Variants in DIP2A observed in about 807,000 individuals in gnomAD.
DIP2A encodes DIP2 acetate--CoA ligase A, also known as disco-interacting protein 2 homolog A.
DIP2A carries 85 observed loss-of-function variants against 177.4 expected under a neutral mutation model. The observed-to-expected ratio is 0.48, with a 90% CI of 0.40 to 0.57. The LOEUF is 0.57. Among genes scored for constraint, DIP2A ranks in the 20% least tolerant of loss-of-function variants. DIP2A has a pLI of 0.00. For synonymous variants in DIP2A, 886 were observed against 881.8 expected (o/e 1.00, Z -0.08); for missense variants, 1,791 against 2,100.2 (o/e 0.85, Z 2.88).
intron 3 of DIP2A, among the ~76,000 whole-genome samples, chr21:46,491,893 A>G (rs2057037263): frequency 6.6e-6 from 1 of 152,200 alleles, no homozygotes; most frequent in African/African-American, 2.4e-5. Flanking sequence ...TTTATCATAA[A>G]TATGATTTGC....
At chr21:46,484,972 G>A in intron 2 of DIP2A, 144 bp downstream of exon 2, 1 of 710,766 alleles carries the variant, frequency 1.4e-6, no homozygotes, top group East Asian at 3.2e-5. Flanking sequence ...GATTGAGACA[G>A]GGTCTCGCTG....
intron 1 of DIP2A, among the ~76,000 whole-genome samples, chr21:46,475,504 C>T (rs2839276): frequency 0.48 from 72,970 of 152,092 alleles, 18,410 homozygotes; most frequent in African/African-American, 0.63. Context: ...AGCAAGTACT[C>T]TCTGGTCCTT....
chr21:46,547,862 G>A (rs140332236), intron 21 of DIP2A, among the ~76,000 whole-genome samples: 2 of 151,816 alleles, frequency 1.3e-5, no homozygotes, highest in East Asian at 3.9e-4. Flanking sequence ...TAGAGATAGG[G>A]TCTCACTATG....
chr21:46,579,485 C>T, the DIP2A span, among the ~76,000 whole-genome samples: 1 of 151,808 alleles, frequency 6.6e-6, no homozygotes, highest in East Asian at 1.9e-4. Flanking sequence ...TATTTCTTGT[C>T]TTCTGCTAGC....
intron 9 of DIP2A, among the ~76,000 whole-genome samples, chr21:46,529,392 G>A (rs2059260022): frequency 6.6e-6 from 1 of 152,158 alleles, no homozygotes; most frequent in Non-Finnish European, 1.5e-5. Context: ...CTGAGCTCAG[G>A]AGTTTGAGAC....
chr21:46,493,289 T>G (rs1392090971), intron 3 of DIP2A, among the ~76,000 whole-genome samples: 10 of 152,334 alleles, frequency 6.6e-5, no homozygotes, highest in Non-Finnish European at 1.5e-5. Flanking sequence ...ATTATCTATA[T>G]TTTTAGTTCT....
intron 1 of DIP2A, among the ~76,000 whole-genome samples, chr21:46,469,829 C>T (rs527830650): frequency 2.8e-4 from 42 of 152,204 alleles, no homozygotes; most frequent in African/African-American, 8.7e-4. Context: ...GGCATTTTCC[C>T]ACATAAATCT....
chr21:46,477,207 C>T (rs187774139), intron 1 of DIP2A, among the ~76,000 whole-genome samples: 89 of 152,080 alleles, frequency 5.9e-4, no homozygotes, highest in African/African-American at 1.9e-3. Context: ...CAAGGAAGCA[C>T]GTGCCCTTTT....
chr21:46,545,039 C>A, intron 18 of DIP2A, 98 bp from the exon 19 acceptor site: 1 of 1,244,058 alleles, frequency 8.0e-7, no homozygotes, highest in Non-Finnish European at 1.1e-6. Context: ...TATATAACAT[C>A]CTGTTTCCAT....
chr21:46,496,745 AT>A (rs2057381288), intron 3 of DIP2A, among the ~76,000 whole-genome samples: 1 of 152,156 alleles, frequency 6.6e-6, no homozygotes, highest in Non-Finnish European at 1.5e-5. Context: ...TTTATTTTCA[AT>A]TTTGGGGATT....
chr21:46,472,235 C>A (rs2148332908), intron 1 of DIP2A, among the ~76,000 whole-genome samples: 1 of 152,316 alleles, frequency 6.6e-6, no homozygotes, highest in East Asian at 1.9e-4. Flanking sequence ...AGGAGAGAGG[C>A]TTCACCAGAA....
At chr21:46,475,318 T>C (rs981675402) in intron 1 of DIP2A, among the ~76,000 whole-genome samples, 3 of 152,272 alleles carry the variant, frequency 2.0e-5, no homozygotes, top group African/African-American at 7.2e-5. Context: ...TACCTATTTA[T>C]ACACAAACTT....
intron 2 of DIP2A, among the ~76,000 whole-genome samples, chr21:46,489,614 C>CTG (rs1464777458): frequency 2.0e-5 from 3 of 152,240 alleles, no homozygotes; most frequent in African/African-American, 7.2e-5. Context: ...GGGGCAGTCA[C>CTG]TGACCTGCCC....
At chr21:46,485,120 A>G (rs1478040027) in intron 2 of DIP2A, among the ~76,000 whole-genome samples, 1 of 152,180 alleles carries the variant, frequency 6.6e-6, no homozygotes, top group East Asian at 1.9e-4. Flanking sequence ...TATTTTTATG[A>G]TTATGAACAA....
At position 46,529,107 on chromosome 21, in the gene DIP2A, G is replaced by A. The variant is rs1441255963; in HGVS notation, c.1118G>A (p.Arg373Gln). ...YTLTYGKLWS[R>Q]SLKLAYTLLN... is the part of the protein sequence containing the mutation. ...TTTGTTTTAGGTAAACTTTGGAGTC[G>A]GAGTTTAAAACTAGCTTATACTCTA... Residue 373 changes from arginine to glutamine, a missense_variant, in exon 9 of 38, where the codon CGG becomes CAG. By Grantham distance (43) the Arg-to-Gln change is conservative (BLOSUM62 1). Transcript: ENST00000417564. The A allele has an allele frequency of 8.6e-6, 13 of 1,508,586 alleles. No individual in the cohort carries two copies. Among genetic ancestry groups the A allele is most frequent in the South Asian group, 1.3e-5 (1 of 74,548 alleles). 93.5% of individuals were successfully genotyped at this position (1,508,586 alleles called of 1,614,324 possible).
intron 3 of DIP2A, among the ~76,000 whole-genome samples, chr21:46,492,276 C>CT (rs1223035740): frequency 6.6e-6 from 1 of 152,164 alleles, no homozygotes; most frequent in Non-Finnish European, 1.5e-5. Context: ...TCCCTTTGCA[C>CT]TTTTTTCTAA....
the DIP2A span, among the ~76,000 whole-genome samples, chr21:46,583,577 T>C: frequency 6.6e-6 from 1 of 152,236 alleles, no homozygotes; most frequent in Non-Finnish European, 1.5e-5. Flanking sequence ...AAACTCATAC[T>C]AAAAGTTAAT....
chr21:46,514,465 C>T (rs2058458390), intron 8 of DIP2A, among the ~76,000 whole-genome samples: 1 of 151,788 alleles, frequency 6.6e-6, no homozygotes, highest in Admixed American at 6.6e-5. Context: ...ACTTTGTATC[C>T]AGTTATCTCA....
intron 32 of DIP2A, chr21:46,559,077 A>C (rs956090244): frequency 1.5e-5 from 2 of 132,204 alleles, no homozygotes; most frequent in African/African-American, 5.7e-5. Context: ...AGCCTGGGTG[A>C]CAGAGCGAGA....
Sources: allele counts gnomAD v4.1 joint callset (sites outside exome capture counted in the v4.1 genomes callset), GRCh38; gene constraint gnomAD v4.1.1; transcripts MANE v1.5; gene names NCBI Gene and HGNC (gene_info 2026-07-23, HGNC 2026-07-21).